Variants in PSD3 observed in about 807,000 individuals in gnomAD.
PSD3 encodes the protein PH and SEC7 domain-containing protein 3.
A neutral mutation model predicts 105.5 loss-of-function variants in PSD3; 49 were observed. The observed-to-expected ratio is 0.46, with a 90% CI of 0.37 to 0.59. The LOEUF is 0.59. Ranked by LOEUF, PSD3 falls within the 20% of genes least tolerant of loss-of-function variation. The pLI, the probability that PSD3 is intolerant of heterozygous loss-of-function variation, is 0.00. For missense variants in PSD3, 1,561 were observed against 1,263.8 expected (o/e 1.24, Z -3.57); for synonymous variants, 557 against 457.8 (o/e 1.22, Z -2.77).
chr8:19,010,560 T>C (rs558996377), intron 1 of PSD3, among the ~76,000 whole-genome samples: 1 of 152,206 alleles, frequency 6.6e-6, no homozygotes, highest in African/African-American at 2.4e-5. Flanking sequence ...CATTGTAAAT[T>C]GCAACAGCCA....
intron 15 of PSD3, among the ~76,000 whole-genome samples, chr8:18,539,399 C>T (rs890496092): frequency 6.6e-6 from 1 of 152,156 alleles, no homozygotes; most frequent in Non-Finnish European, 1.5e-5. Flanking sequence ...GCAACAGCAT[C>T]ATTTGGAGAC....
At chr8:18,819,631 T>G (rs1232978338) in intron 4 of PSD3, among the ~76,000 whole-genome samples, 1 of 136,426 alleles carries the variant, frequency 7.3e-6, no homozygotes, top group East Asian at 2.7e-4. Flanking sequence ...CAGGCTGGAG[T>G]GCAGTGGCGC....
At chr8:18,681,151 A>G (rs1432692219) in intron 9 of PSD3, among the ~76,000 whole-genome samples, 1 of 152,180 alleles carries the variant, frequency 6.6e-6, no homozygotes, top group East Asian at 1.9e-4. Flanking sequence ...AAATCCCAGG[A>G]GCGAACCACG....
chr8:18,904,178 C>A (rs541495647), intron 2 of PSD3, among the ~76,000 whole-genome samples: 49 of 152,128 alleles, frequency 3.2e-4, no homozygotes, highest in African/African-American at 1.2e-3. Context: ...AGAGAGGGAA[C>A]AAGAGAGAGA....
chr8:18,586,114 A>G (rs1441930521), intron 12 of PSD3, among the ~76,000 whole-genome samples: 1 of 152,192 alleles, frequency 6.6e-6, no homozygotes, highest in Non-Finnish European at 1.5e-5. Context: ...ATATGGGAGC[A>G]TAAACACAGG....
chr8:18,976,654 A>AT (rs147917815), intron 1 of PSD3, among the ~76,000 whole-genome samples: 2,787 of 152,338 alleles, frequency 0.018, 93 homozygotes, highest in African/African-American at 0.064. Flanking sequence ...TCATAGGGAT[A>AT]TTTTGAGAAT....
chr8:18,827,617 G>A (rs185302267), intron 4 of PSD3, among the ~76,000 whole-genome samples: 2 of 152,304 alleles, frequency 1.3e-5, no homozygotes, highest in Admixed American at 6.5e-5. Context: ...TAAGTGCTAT[G>A]AGAGTGTTTT....
At chr8:18,726,102 AG>A (rs1375596921) in intron 9 of PSD3, among the ~76,000 whole-genome samples, 1 of 152,200 alleles carries the variant, frequency 6.6e-6, no homozygotes, top group African/African-American at 2.4e-5. Flanking sequence ...CAAACACAAG[AG>A]GAGAAGATGA....
chr8:18,829,303 A>G (rs1813484094), intron 4 of PSD3, among the ~76,000 whole-genome samples: 1 of 152,194 alleles, frequency 6.6e-6, no homozygotes, highest in Non-Finnish European at 1.5e-5. Flanking sequence ...TATGTTCTCT[A>G]TACCATAGAA....
chr8:19,001,241 C>T (rs1309021875), intron 1 of PSD3, among the ~76,000 whole-genome samples: 2 of 151,642 alleles, frequency 1.3e-5, no homozygotes, highest in Non-Finnish European at 2.9e-5. Context: ...ACTACAGGCT[C>T]GCACCATCAC....
intron 1 of PSD3, chr8:18,979,731 T>C: frequency 5.3e-6 from 1 of 187,294 alleles, no homozygotes; most frequent in Non-Finnish European, 1.2e-5. Flanking sequence ...CAAGAGTCTC[T>C]GGCCCAATGA....
chr8:18,933,851 C>T (rs1821903709), intron 2 of PSD3, among the ~76,000 whole-genome samples: 1 of 152,174 alleles, frequency 6.6e-6, no homozygotes, highest in African/African-American at 2.4e-5. Flanking sequence ...TTAGGTACCT[C>T]AAACTTCAAG....
intron 9 of PSD3, among the ~76,000 whole-genome samples, chr8:18,736,932 G>A (rs984853671): frequency 6.6e-6 from 1 of 152,176 alleles, no homozygotes; most frequent in Non-Finnish European, 1.5e-5. Flanking sequence ...ACAAAATGCT[G>A]CTTTTCAAAT....
chr8:18,949,237 AAAAAAAAAT>A (rs1417974630), intron 1 of PSD3, among the ~76,000 whole-genome samples: 3 of 77,266 alleles, frequency 3.9e-5, no homozygotes, highest in African/African-American at 1.6e-4. Context: ...AAAAAAAAAA[AAAAAAAAAT>A]ATATATATAT....
intron 14 of PSD3, among the ~76,000 whole-genome samples, chr8:18,558,666 C>T (rs1801220723): frequency 6.6e-6 from 1 of 152,084 alleles, no homozygotes; most frequent in African/African-American, 2.4e-5. Flanking sequence ...ACTAAAAATA[C>T]AAAAATTAGC....
chr8:18,950,081 C>T (rs1011350705), intron 1 of PSD3, among the ~76,000 whole-genome samples: 2 of 152,052 alleles, frequency 1.3e-5, no homozygotes, highest in Non-Finnish European at 1.5e-5. Context: ...CCCAATAGCA[C>T]CTATTTAAAC....
chr8:18,987,267 TA>T (rs1825550232), intron 1 of PSD3, among the ~76,000 whole-genome samples: 1 of 116,642 alleles, frequency 8.6e-6, no homozygotes, highest in Non-Finnish European at 2.0e-5. Flanking sequence ...TAGAGAAATT[TA>T]TTTTCTTTTT....
intron 1 of PSD3, among the ~76,000 whole-genome samples, chr8:19,022,411 T>C (rs948431472): frequency 4.6e-5 from 7 of 152,180 alleles, no homozygotes; most frequent in African/African-American, 1.7e-4. Context: ...CCCAAGAAGA[T>C]AGACTCCATG....
At chr8:18,928,858 T>C (rs1389160280) in intron 2 of PSD3, among the ~76,000 whole-genome samples, 1 of 151,830 alleles carries the variant, frequency 6.6e-6, no homozygotes, top group Non-Finnish European at 1.5e-5. Flanking sequence ...TTCCTCTTCC[T>C]CTTGCTCAAG....
Sources: gnomAD v4.1 joint callset for allele counts (sites outside exome capture counted in the v4.1 genomes callset) on GRCh38, gnomAD v4.1.1 for gene constraint, MANE v1.5 for transcripts, NCBI Gene and HGNC (gene_info 2026-07-23, HGNC 2026-07-21) for gene names.